SPHKAP: variants seen among roughly 807,000 people sequenced by gnomAD.
The protein encoded by SPHKAP is A-kinase anchor protein SPHKAP.
Under a neutral mutation model 137.5 loss-of-function variants are expected in SPHKAP, and 67 were observed. The observed-to-expected ratio is 0.49, with a 90% CI of 0.40 to 0.60. SPHKAP has a LOEUF of 0.60. Ranked by LOEUF, SPHKAP falls within the 20% of genes least tolerant of loss-of-function variation. The pLI is 0.00. For synonymous variants in SPHKAP, 813 were observed against 785.3 expected (o/e 1.04, Z -0.59); for missense variants, 2,097 against 2,069.3 (o/e 1.01, Z -0.26).
At chr2:228,140,877 C>A (rs1255965141) in intron 1 of SPHKAP, among the ~76,000 whole-genome samples, 1 of 152,152 alleles carries the variant, frequency 6.6e-6, no homozygotes, top group Non-Finnish European at 1.5e-5. Context: ...TGATTATAAG[C>A]TTCCAGAGGC....
At chr2:228,074,513 G>A (rs1330689242) in intron 3 of SPHKAP, among the ~76,000 whole-genome samples, 1 of 152,074 alleles carries the variant, frequency 6.6e-6, no homozygotes, top group Non-Finnish European at 1.5e-5. Context: ...TATAAAATCA[G>A]ATCTCGTGAG....
rs376371581 is a variant in SPHKAP at position 228,145,900 on chromosome 2, C to T, written c.33-13815G>A. 1.2e-4 allele frequency among the ~76,000 whole-genome samples: 19 copies of T among 152,228 alleles called. No homozygotes were observed. In the East Asian group the frequency reaches 2.5e-3, roughly 20 times the overall value. ...TACACTGGGCAGTAATTGGCAAACTCGGGACCCCTCTAAAGTGTGGCTTGT... is the reference window on the plus strand; with the variant it reads ...TACACTGGGCAGTAATTGGCAAACTTGGGACCCCTCTAAAGTGTGGCTTGT... On this transcript the variant is annotated intron_variant, in intron 1 of 11. Transcript: ENST00000392056.
chr2:228,106,458 C>A (rs1357808258), intron 3 of SPHKAP, among the ~76,000 whole-genome samples: 1 of 152,122 alleles, frequency 6.6e-6, no homozygotes, highest in Non-Finnish European at 1.5e-5. Context: ...CTCAGATTCT[C>A]TTGTGATTAT....
chr2:228,016,357 G>A lies in SPHKAP; in HGVS notation c.4448+49C>T, dbSNP rs372682211. The stretch of plus-strand genomic sequence containing the variant: ...ATTTAGACTAAACACTGATTAAGAC[G>A]CAAACTCCAGTCACATGCACCCTAT... On this transcript the variant is annotated intron_variant, in intron 7 of 11. Transcript: ENST00000392056. 82 of 1,497,970 alleles carry A rather than the reference G, an allele frequency of 5.5e-5. No individual in the cohort carries two copies. The South Asian group carries it at 5.5e-4, about 10-fold the overall frequency. The allele number at this position is 1,497,970 out of a possible 1,614,324, so 92.8% of individuals were successfully genotyped here. A position where few individuals can be genotyped will look rare whatever the true frequency, so the allele number is the denominator to read the frequency against.
chr2:228,098,405 A>G (rs1411874458), intron 3 of SPHKAP, among the ~76,000 whole-genome samples: 1 of 152,214 alleles, frequency 6.6e-6, no homozygotes, highest in African/African-American at 2.4e-5. Context: ...AATGTGGCAC[A>G]TATACACCAT....
intron 1 of SPHKAP, among the ~76,000 whole-genome samples, chr2:228,159,969 CA>C (rs1244634450): frequency 6.6e-6 from 1 of 152,214 alleles, no homozygotes; most frequent in Non-Finnish European, 1.5e-5. Context: ...GCTTCTTGTT[CA>C]TTTGGAGAGG....
At chr2:228,034,956 T>C (rs999355140) in intron 3 of SPHKAP, among the ~76,000 whole-genome samples, 84 of 151,464 alleles carry the variant, frequency 5.5e-4, no homozygotes, top group African/African-American at 2.0e-3. Flanking sequence ...AAGCATTCCC[T>C]TTGAAAACTG....
intron 11 of SPHKAP, among the ~76,000 whole-genome samples, chr2:227,982,914 T>A (rs188491862): frequency 1.3e-5 from 2 of 152,110 alleles, no homozygotes; most frequent in African/African-American, 4.8e-5. Context: ...TCAAATACAT[T>A]CAAAGATCTC....
At position 228,181,052 on chromosome 2, in the gene SPHKAP, T is replaced by A. The variant is rs1246285952; in HGVS notation, c.32+515A>T. Reference sequence around the variant, plus strand: ...AGGTGTTTTCTGCCCTGTCTTAAGATCTCGCTTTGGGGGCAGTCTAGGTGT... The same window carrying A: ...AGGTGTTTTCTGCCCTGTCTTAAGAACTCGCTTTGGGGGCAGTCTAGGTGT... On this transcript the variant is annotated intron_variant, in intron 1 of 11. Transcript: ENST00000392056. This position sits in a 1 kb window ranked among gnomAD's most constrained non-coding sequence, Gnocchi z 4.3. Among the ~76,000 whole-genome samples, 1 of 151,512 alleles carries A rather than the reference T, an allele frequency of 6.6e-6. No homozygotes were observed. The highest frequency in any genetic ancestry group is 1.5e-5 in the Non-Finnish European group (1 of 67,892).
intron 2 of SPHKAP, among the ~76,000 whole-genome samples, chr2:228,129,169 A>G (rs1030664441): frequency 6.6e-6 from 1 of 152,198 alleles, no homozygotes; most frequent in Non-Finnish European, 1.5e-5. Flanking sequence ...AGATCACCAC[A>G]ATAGATATAA....
At chr2:228,170,927 C>T (rs1475506291) in intron 1 of SPHKAP, among the ~76,000 whole-genome samples, 1 of 152,010 alleles carries the variant, frequency 6.6e-6, no homozygotes, top group South Asian at 2.1e-4. Flanking sequence ...GTTAAGAATA[C>T]TAGAAATTAT....
At chr2:228,056,199 C>T (rs768677303) in intron 3 of SPHKAP, among the ~76,000 whole-genome samples, 2 of 152,182 alleles carry the variant, frequency 1.3e-5, no homozygotes, top group Non-Finnish European at 2.9e-5. Context: ...TTAATTATTT[C>T]CTGCTTTTTC....
chr2:228,071,491 C>T (rs1697004038), intron 3 of SPHKAP, among the ~76,000 whole-genome samples: 1 of 152,190 alleles, frequency 6.6e-6, no homozygotes, highest in Admixed American at 6.5e-5. Flanking sequence ...CGGCTTTACA[C>T]TCTTTGGCTT....
chr2:228,100,220 T>C (rs1426601888), intron 3 of SPHKAP, among the ~76,000 whole-genome samples: 1 of 152,220 alleles, frequency 6.6e-6, no homozygotes, highest in Non-Finnish European at 1.5e-5. Flanking sequence ...TTATCAGCTC[T>C]AGGAGCCTTT....
At chr2:228,110,530 A>C (rs1261045098) in intron 2 of SPHKAP, among the ~76,000 whole-genome samples, 1 of 152,198 alleles carries the variant, frequency 6.6e-6, no homozygotes, top group Non-Finnish European at 1.5e-5. Flanking sequence ...TATTTTACCT[A>C]AACTGGTTCT....
chr2:227,988,351 A>C (rs1349616506), intron 11 of SPHKAP, among the ~76,000 whole-genome samples: 1 of 152,186 alleles, frequency 6.6e-6, no homozygotes, highest in Non-Finnish European at 1.5e-5. Flanking sequence ...TGAATGAGTG[A>C]AATATCATTT....
chr2:228,029,960 T>C (rs1432665616), intron 3 of SPHKAP, among the ~76,000 whole-genome samples: 1 of 152,122 alleles, frequency 6.6e-6, no homozygotes, highest in Non-Finnish European at 1.5e-5. Flanking sequence ...ATAGTAGCAA[T>C]TTGTCTGCCC....
intron 2 of SPHKAP, among the ~76,000 whole-genome samples, chr2:228,123,236 A>C (rs1220735896): frequency 6.6e-6 from 1 of 152,212 alleles, no homozygotes; most frequent in Non-Finnish European, 1.5e-5. Flanking sequence ...TTTCTTAAAA[A>C]TATCCCCATT....
At chr2:228,061,781 A>T (rs1037481875) in intron 3 of SPHKAP, among the ~76,000 whole-genome samples, 2 of 152,130 alleles carry the variant, frequency 1.3e-5, no homozygotes, top group South Asian at 2.1e-4. Context: ...ATATATATAT[A>T]TTTTGAAAAC....
Sources: allele counts gnomAD v4.1 joint callset (sites outside exome capture counted in the v4.1 genomes callset), GRCh38; gene constraint gnomAD v4.1.1; non-coding constraint Gnocchi (gnomAD v3.1); transcripts MANE v1.5; gene names NCBI Gene and HGNC (gene_info 2026-07-23, HGNC 2026-07-21).